Variants in OTOF observed in about 807,000 individuals in gnomAD.
OTOF encodes the protein fer-1-like family member 2.
Under a neutral mutation model 236.8 loss-of-function variants are expected in OTOF, and 218 were observed. The observed-to-expected ratio is 0.92, with a 90% CI of 0.82 to 1.03. The LOEUF (loss-of-function observed/expected upper bound fraction) is 1.03. OTOF is among the 50% of genes least tolerant of loss of function. The pLI, the probability that OTOF is intolerant of heterozygous loss-of-function variation, is 0.00. For missense variants in OTOF, 2,590 were observed against 2,694.4 expected (o/e 0.96, Z 0.86); for synonymous variants, 1,041 against 1,072.5 (o/e 0.97, Z 0.57).
At position 26,467,468 on chromosome 2, in the gene OTOF, G is replaced by A. The variant is rs1210313101; in HGVS notation, c.4124C>T (p.Ala1375Val). 2.5e-6 allele frequency: 4 copies of A among 1,614,022 alleles called. 1 individual carries two copies. In the Admixed American group the frequency reaches 6.7e-5, roughly 27 times the overall value. ...LKGSMKGKEK[A>V]RAAKEEKKKK... The stretch of plus-strand genomic sequence containing the variant: ...CTTCTTCTCCTCTTTGGCAGCCCTT[G>A]CCTTCTCCTTGCCCTTCATTGACCC... The change falls in exon 34 of 47, where the codon GCA becomes GTA. Residue 1375 changes from alanine to valine, a missense_variant. By Grantham distance (64) the Ala-to-Val change is moderately conservative. Coordinates refer to ENST00000272371, the MANE Select transcript of OTOF (RefSeq NM_194248.3).
At chr2:26,528,194 G>T (rs1274114673) in intron 2 of OTOF, among the ~76,000 whole-genome samples, 2 of 152,144 alleles carry the variant, frequency 1.3e-5, no homozygotes, top group Non-Finnish European at 1.5e-5. Flanking sequence ...GAAGAGCCTG[G>T]ACCTACCAGG....
At chr2:26,482,693 G>T in intron 13 of OTOF, 101 bp from the exon 14 acceptor site, 1 of 941,960 alleles carries the variant, frequency 1.1e-6, no homozygotes, top group Non-Finnish European at 1.6e-6. Flanking sequence ...GTGGGCACAT[G>T]TGTGCATGTG....
Position 26,460,938 on chromosome 2 carries a change from G to A in OTOF, c.5626C>T (p.Pro1876Ser), listed in dbSNP as rs376585613. The A allele has an allele frequency of 1.9e-6, 3 of 1,614,074 alleles. No homozygotes were observed. The highest frequency in any genetic ancestry group is 1.7e-6 in the Non-Finnish European group (2 of 1,179,974). The change falls in exon 44 of 47, where the codon CCC becomes TCC. Residue 1876 changes from proline (P) to serine (S), a missense_variant. Physicochemically the swap from Pro to Ser is moderately conservative, Grantham distance 74. Coordinates refer to ENST00000272371, the MANE Select transcript of OTOF (RefSeq NM_194248.3). This position sits in a 1 kb window ranked among gnomAD's most constrained non-coding sequence, Gnocchi z 5.3. Reference sequence around the variant, plus strand: ...TTTTGCTTGAAGATGGACACGAGGGGCACGTCCACCTCCCCGGTGGCCATC... The same window carrying A: ...TTTTGCTTGAAGATGGACACGAGGGACACGTCCACCTCCCCGGTGGCCATC... ...MEMATGEVDVPLVSIFKQKRV... is the reference protein window; with the variant it reads ...MEMATGEVDVSLVSIFKQKRV...
At chr2:26,466,103 GCAGGCTCCCATGCC>G in intron 36 of OTOF, 27 bp from the exon 37 acceptor site, 1 of 1,614,000 alleles carries the variant, frequency 6.2e-7, no homozygotes, top group Non-Finnish European at 8.5e-7. Context: ...GGCTGCCTGA[GCAGGCTCCCATGCC>G]CTGCTCATCT....
At chr2:26,526,130 T>G (rs373462957) in intron 3 of OTOF, among the ~76,000 whole-genome samples, 2 of 142,386 alleles carry the variant, frequency 1.4e-5, no homozygotes, top group African/African-American at 5.4e-5. Context: ...GGTGGAAGGA[T>G]GGATGAATGG....
intron 6 of OTOF, 40 bp from the exon 7 acceptor site, chr2:26,502,466 G>A: frequency 5.6e-6 from 9 of 1,597,944 alleles, no homozygotes; most frequent in Non-Finnish European, 7.7e-6. Flanking sequence ...GCTGACTGAT[G>A]GTGAGATAGT....
At chr2:26,504,546 C>A (rs1666201324) in intron 5 of OTOF, among the ~76,000 whole-genome samples, 1 of 152,178 alleles carries the variant, frequency 6.6e-6, no homozygotes, top group South Asian at 2.1e-4. Context: ...TGCCAAATTC[C>A]CCTTTCCCCC....
chr2:26,492,021 A>G (rs1665861544), intron 9 of OTOF, among the ~76,000 whole-genome samples: 2 of 152,254 alleles, frequency 1.3e-5, no homozygotes, highest in Admixed American at 1.3e-4. Flanking sequence ...TCAGATAATT[A>G]GTCAGAAATA....
chr2:26,479,359 C>G lies in OTOF; in HGVS notation c.2119G>C (p.Glu707Gln), dbSNP rs774040593. The G allele has an allele frequency of 1.2e-6, 2 of 1,612,830 alleles. No homozygotes were observed. The highest frequency in any genetic ancestry group is 2.2e-5 in the South Asian group (2 of 91,006). Residue 707 changes from glutamate to glutamine, a missense_variant, in exon 18 of 47, where the codon GAG becomes CAG. By Grantham distance (29) the Glu-to-Gln change is conservative (BLOSUM62 2). Coordinates refer to ENST00000272371, the MANE Select transcript of OTOF (RefSeq NM_194248.3). ...TTGATGTAGATGCAGGGCTTTCGCT[C>G]CAGGTAGGGCAGATGGAAGTAGTTC... ...DRNYFHLPYL[E>Q]RKPCIYIKSW...
chr2:26,467,553 C>T (rs376799703), intron 33 of OTOF, 52 bp from the exon 34 acceptor site: 1 of 1,590,738 alleles, frequency 6.3e-7, no homozygotes, highest in African/African-American at 1.3e-5. Flanking sequence ...AGCAGGAAGG[C>T]CTGGATTCGA....
chr2:26,535,908 C>A (rs771077860), intron 2 of OTOF, among the ~76,000 whole-genome samples: 2 of 152,178 alleles, frequency 1.3e-5, no homozygotes, highest in East Asian at 3.9e-4. Context: ...GTGTCCAAGG[C>A]GCTGGGCATG....
intron 1 of OTOF, among the ~76,000 whole-genome samples, chr2:26,549,565 G>T (rs1667409934): frequency 6.6e-6 from 1 of 152,124 alleles, no homozygotes; most frequent in Admixed American, 6.5e-5. Flanking sequence ...GAGGCCCCAT[G>T]GAACTCTAAC....
intron 6 of OTOF, 22 bp from the exon 7 acceptor site, chr2:26,502,448 T>A (rs759628097): frequency 6.2e-7 from 1 of 1,609,008 alleles, no homozygotes; most frequent in Non-Finnish European, 8.5e-7. Flanking sequence ...GAAAGACTGG[T>A]TAGGTGGGCT....
intron 16 of OTOF, 97 bp downstream of exon 16, chr2:26,480,106 T>C (rs1665490478): frequency 2.5e-6 from 2 of 785,740 alleles, no homozygotes; most frequent in African/African-American, 1.7e-5. Context: ...AGGGCTGAGG[T>C]GCAGAGCCTC....
At chr2:26,483,675 G>T in intron 12 of OTOF, 27 bp from the exon 13 acceptor site, 1 of 1,606,104 alleles carries the variant, frequency 6.2e-7, no homozygotes, top group South Asian at 1.1e-5. Context: ...CCAGGGCCAT[G>T]GTCACCAGGT....
chr2:26,461,041 C>A lies in OTOF; in HGVS notation c.5534-11G>T. 1 of 1,503,962 alleles carries A rather than the reference C, an allele frequency of 6.6e-7. No individual in the cohort carries two copies. The highest frequency in any genetic ancestry group is 9.0e-7 in the Non-Finnish European group (1 of 1,109,006). The allele number at this position is 1,503,962 out of a possible 1,614,324, so 93.2% of individuals were successfully genotyped here. ...CCAGCTCGATGGCCCCTGTGGCAAC[C>A]TCAGTGTCAGCTCAGAGTGAACAGG... On this transcript the variant is annotated splice_polypyrimidine_tract_variant and intron_variant, in intron 43 of 46. Transcript: ENST00000272371. This position sits in a 1 kb window ranked among gnomAD's most constrained non-coding sequence, Gnocchi z 6.2.
Position 26,473,765 on chromosome 2 carries a change from G to A in OTOF, c.3409-198C>T, listed in dbSNP as rs1480826415. Among the ~76,000 whole-genome samples, 4 of 152,188 alleles carry A rather than the reference G, an allele frequency of 2.6e-5. No homozygotes were observed. In the East Asian group the frequency reaches 5.8e-4, roughly 22 times the overall value. ...TCCAGGGATGAGGGTGGGGCTGCCC[G>A]GAGAAGGGGTGCAGGGTCAGGGGTG... On this transcript the variant is annotated intron_variant, in intron 27 of 46. Coordinates refer to ENST00000272371, the MANE Select transcript of OTOF (RefSeq NM_194248.3). This position sits in a 1 kb window ranked among gnomAD's most constrained non-coding sequence, Gnocchi z 7.2.
intron 8 of OTOF, among the ~76,000 whole-genome samples, chr2:26,498,357 T>C (rs1666039464): frequency 6.6e-6 from 1 of 152,140 alleles, no homozygotes; most frequent in African/African-American, 2.4e-5. Flanking sequence ...CTGAGGGCGC[T>C]GGAGAAAGAC....
chr2:26,552,806 G>C lies in OTOF; in HGVS notation c.79+5687C>G, dbSNP rs1667494854. Among the ~76,000 whole-genome samples the C allele has an allele frequency of 6.6e-5, 10 of 152,280 alleles. No homozygotes were observed. The South Asian group carries it at 2.1e-3, about 32-fold the overall frequency. ...GTTAGGACTAAAACAAAAGCGCAGG[G>C]CTGTGTCCACAGCCAGCCACCGGCT... On this transcript the variant is annotated intron_variant, in intron 1 of 46. Coordinates refer to ENST00000272371, the MANE Select transcript of OTOF (RefSeq NM_194248.3).
Sources: allele counts gnomAD v4.1 joint callset (sites outside exome capture counted in the v4.1 genomes callset), GRCh38; gene constraint gnomAD v4.1.1; non-coding constraint Gnocchi (gnomAD v3.1); transcripts MANE v1.5; gene names NCBI Gene and HGNC (gene_info 2026-07-23, HGNC 2026-07-21).